Variants in CLSTN2 observed in about 807,000 individuals in gnomAD.
CLSTN2 encodes calsyntenin 2.
CLSTN2 carries 48 observed loss-of-function variants against 101.2 expected under a neutral mutation model. The ratio of observed to expected loss-of-function variants is 0.47; its 90% CI spans 0.38 to 0.60. The LOEUF (loss-of-function observed/expected upper bound fraction) is 0.60. CLSTN2 is among the 20% of genes least tolerant of loss of function. The pLI is 0.00. For missense variants in CLSTN2, 1,160 were observed against 1,238.2 expected (o/e 0.94, Z 0.95); for synonymous variants, 481 against 463.6 (o/e 1.04, Z -0.48).
chr3:140,439,359 C>T (rs147623597), intron 5 of CLSTN2, among the ~76,000 whole-genome samples: 40 of 152,346 alleles, frequency 2.6e-4, no homozygotes, highest in African/African-American at 9.6e-4. Context: ...TTCCCAGTTG[C>T]TACCAGAATA....
chr3:140,092,943 T>A (rs2008805838), intron 1 of CLSTN2, among the ~76,000 whole-genome samples: 1 of 151,778 alleles, frequency 6.6e-6, no homozygotes, highest in Non-Finnish European at 1.5e-5. Flanking sequence ...GGATGAGGGG[T>A]GAGTGGATGG....
At chr3:140,518,862 A>C (rs173257) in intron 8 of CLSTN2, among the ~76,000 whole-genome samples, 25,872 of 151,898 alleles carry the variant, frequency 0.17, 2,660 homozygotes, top group Non-Finnish European at 0.25. Context: ...CCTGATCTTT[A>C]TTTCTTGTCT....
chr3:140,354,985 G>A (rs912712581), intron 2 of CLSTN2, among the ~76,000 whole-genome samples: 1 of 152,120 alleles, frequency 6.6e-6, no homozygotes, highest in African/African-American at 2.4e-5. Context: ...CACCCCATGT[G>A]ACACTCTAGG....
intron 2 of CLSTN2, among the ~76,000 whole-genome samples, chr3:140,328,560 G>A (rs550385846): frequency 1.8e-4 from 28 of 152,282 alleles, no homozygotes; most frequent in Non-Finnish European, 4.0e-4. Flanking sequence ...GAGAGCTGAG[G>A]CCTTCCCTCA....
In CLSTN2 at chr3:139,939,397, A is replaced by T. The variant is rs563068517; in HGVS notation, c.109+3914A>T. On this transcript the variant is annotated intron_variant, in intron 1 of 16. Coordinates refer to ENST00000458420, the MANE Select transcript of CLSTN2 (RefSeq NM_022131.3). ...CTAGAGGGTGTGGCACTGGGATGAG[A>T]ATATAAAGGTCACTATACCCAGTGC... Among the ~76,000 whole-genome samples the T allele has an allele frequency of 3.9e-5, 6 of 152,318 alleles. No homozygotes were observed. In the South Asian group the frequency reaches 1.2e-3, roughly 32 times the overall value.
intron 8 of CLSTN2, among the ~76,000 whole-genome samples, chr3:140,519,859 G>C (rs968540354): frequency 3.9e-5 from 6 of 152,142 alleles, no homozygotes; most frequent in African/African-American, 1.4e-4. Flanking sequence ...CATGATGCTA[G>C]CTGGTTATTT....
intron 10 of CLSTN2, among the ~76,000 whole-genome samples, chr3:140,548,136 TGA>T (rs1273874642): frequency 2.0e-5 from 3 of 152,202 alleles, no homozygotes; most frequent in Non-Finnish European, 4.4e-5. Flanking sequence ...GCTGGTGGTC[TGA>T]GAGTATTCTT....
rs759379024 is a variant in CLSTN2 at position 140,567,525 on chromosome 3, C to T, written c.*1272C>T. The T allele has an allele frequency of 2.0e-5, 3 of 152,220 alleles. No homozygotes were observed. The highest frequency in any genetic ancestry group is 2.9e-5 in the Non-Finnish European group (2 of 68,038). The allele number at this position is 152,220 out of a possible 1,614,324, so 9.4% of individuals were successfully genotyped here. ...TTTGATAAGGAAATCTTTTCCATCT[C>T]CATCCTAACATGCACAACCTGTGAA... is the stretch of plus-strand genomic sequence containing the variant. On this transcript the variant is annotated 3_prime_UTR_variant, in exon 17 of 17. Coordinates refer to ENST00000458420, the MANE Select transcript of CLSTN2 (RefSeq NM_022131.3).
At chr3:140,554,118 A>G (rs568502407) in intron 10 of CLSTN2, among the ~76,000 whole-genome samples, 4 of 152,166 alleles carry the variant, frequency 2.6e-5, no homozygotes, top group Non-Finnish European at 5.9e-5. Flanking sequence ...TTTGTAAATG[A>G]TATAGGAGAA....
At chr3:140,336,197 T>A (rs2087438120) in intron 2 of CLSTN2, among the ~76,000 whole-genome samples, 1 of 152,246 alleles carries the variant, frequency 6.6e-6, no homozygotes, top group South Asian at 2.1e-4. Context: ...CATGGAATGC[T>A]GACTGTGTGT....
intron 2 of CLSTN2, among the ~76,000 whole-genome samples, chr3:140,215,264 C>G (rs2010906299): frequency 6.6e-6 from 1 of 152,186 alleles, no homozygotes; most frequent in South Asian, 2.1e-4. Flanking sequence ...ATCCTTCTCT[C>G]CTCCCATTTC....
intron 1 of CLSTN2, among the ~76,000 whole-genome samples, chr3:140,148,797 G>A (rs892862572): frequency 1.3e-5 from 2 of 152,170 alleles, no homozygotes; most frequent in Admixed American, 1.3e-4. Context: ...TTCTAGGTCA[G>A]CTTCAGGATG....
chr3:140,057,402 C>T (rs889270828), intron 1 of CLSTN2, among the ~76,000 whole-genome samples: 2 of 152,218 alleles, frequency 1.3e-5, no homozygotes, highest in Non-Finnish European at 2.9e-5. Flanking sequence ...GGTCGCTTTT[C>T]ATAGCCATCT....
chr3:140,476,826 T>C (rs1031114182), intron 8 of CLSTN2, among the ~76,000 whole-genome samples: 9 of 152,062 alleles, frequency 5.9e-5, no homozygotes, highest in African/African-American at 1.9e-4. Flanking sequence ...GCCCAGCTAA[T>C]TTTTTTGTAT....
At chr3:140,237,922 C>T (rs2086430747) in intron 2 of CLSTN2, among the ~76,000 whole-genome samples, 1 of 152,140 alleles carries the variant, frequency 6.6e-6, no homozygotes, top group Non-Finnish European at 1.5e-5. Flanking sequence ...AATTTGAAGT[C>T]ATAATCTCAA....
At chr3:140,467,575 G>A (rs1559878450) in intron 8 of CLSTN2, among the ~76,000 whole-genome samples, 1 of 152,100 alleles carries the variant, frequency 6.6e-6, no homozygotes, top group Non-Finnish European at 1.5e-5. Context: ...CTTCCTCCCT[G>A]GGGCCCCAGG....
intron 7 of CLSTN2, among the ~76,000 whole-genome samples, 188 bp downstream of exon 7, chr3:140,459,957 G>A (rs546396572): frequency 2.6e-5 from 4 of 152,144 alleles, no homozygotes; most frequent in African/African-American, 9.7e-5. Flanking sequence ...GCTTGACGTA[G>A]AGCAGGAGCA....
chr3:140,211,060 G>A (rs2010849365), intron 2 of CLSTN2, among the ~76,000 whole-genome samples: 1 of 151,988 alleles, frequency 6.6e-6, no homozygotes, highest in East Asian at 1.9e-4. Context: ...GGTGGGAGAA[G>A]GTGTCTCATC....
chr3:139,967,586 A>C (rs1935622504), intron 1 of CLSTN2, among the ~76,000 whole-genome samples: 1 of 152,228 alleles, frequency 6.6e-6, no homozygotes. Flanking sequence ...CATCTCTGGA[A>C]GCCTCACTGT....
Sources: gnomAD v4.1 joint callset for allele counts (sites outside exome capture counted in the v4.1 genomes callset) on GRCh38, gnomAD v4.1.1 for gene constraint, MANE v1.5 for transcripts, NCBI Gene and HGNC (gene_info 2026-07-23, HGNC 2026-07-21) for gene names.